The following DIAPH2 variants were observed in gnomAD, a reference collection of about 807,000 sequenced individuals.
The protein encoded by DIAPH2 is diaphanous related formin 2.
DIAPH2 carries 35 observed loss-of-function variants against 92.7 expected under a neutral mutation model. The observed-to-expected ratio is 0.38, with a 90% CI of 0.29 to 0.50. DIAPH2 has a LOEUF of 0.50. DIAPH2 is among the 20% of genes least tolerant of loss of function. The pLI, the probability that DIAPH2 is intolerant of heterozygous loss-of-function variation, is 0.94. For missense variants in DIAPH2, 701 were observed against 819.5 expected, an observed-to-expected ratio of 0.86 and a Z score of 1.77; for synonymous variants, 301 against 280.4, an observed-to-expected ratio of 1.07 and a Z score of -0.73.
chrX:96,999,311 G>A (rs1036475034), intron 17 of DIAPH2, among the ~76,000 whole-genome samples: 1 of 109,873 alleles, frequency 9.1e-6, no homozygotes, highest in African/African-American at 3.3e-5. Context: ...TCAGGAGATC[G>A]AGACCACGGT....
intron 17 of DIAPH2, among the ~76,000 whole-genome samples, chrX:97,036,032 A>T (rs893527900): frequency 8.9e-6 from 1 of 111,756 alleles, no homozygotes; most frequent in African/African-American, 3.2e-5. Context: ...ATTTGAAAAT[A>T]GACCAGGATT....
chrX:96,785,639 T>G (rs769847680), intron 4 of DIAPH2, among the ~76,000 whole-genome samples: 32 of 104,338 alleles, frequency 3.1e-4, no homozygotes, highest in South Asian at 8.7e-4. Context: ...GCCCTGCTAG[T>G]TTTTTTTTTG....
At chrX:97,488,309 C>G (rs1304390346) in intron 26 of DIAPH2, among the ~76,000 whole-genome samples, 1 of 112,189 alleles carries the variant, frequency 8.9e-6, no homozygotes, top group African/African-American at 3.2e-5. Context: ...TTTTTTTGAT[C>G]TTGAGTTATT....
At position 96,684,939 on chromosome X, in the gene DIAPH2, ACT is replaced by A. The variant is rs1318985306; in HGVS notation, c.-114_-113del. On this transcript the variant is annotated 5_prime_UTR_variant, in exon 1 of 27. Coordinates refer to ENST00000324765, the MANE Select transcript of DIAPH2 (RefSeq NM_006729.5). ...GAAATCGGCAGCTTCCCGGGCAGAC[ACT>A]CTCTCCCTCAGGAAGAGGTGCCGCC... 2.3e-5 allele frequency: 19 copies of A among 842,664 alleles called. No homozygotes were observed. Among genetic ancestry groups the A allele is most frequent in the Non-Finnish European group, 3.0e-6 (2 of 665,017 alleles). 69.4% of individuals were successfully genotyped at this position (842,664 alleles called of 1,213,427 possible). A position where few individuals can be genotyped will look rare whatever the true frequency, so the allele number is the denominator to read the frequency against.
chrX:97,491,731 G>A (rs1478079466), intron 26 of DIAPH2, among the ~76,000 whole-genome samples: 1 of 112,026 alleles, frequency 8.9e-6, no homozygotes, highest in Non-Finnish European at 1.9e-5. Context: ...GATAGGGAAG[G>A]ACTTACTATT....
intron 22 of DIAPH2, among the ~76,000 whole-genome samples, chrX:97,208,764 C>A (rs1383498966): frequency 9.0e-6 from 1 of 111,177 alleles, no homozygotes. Flanking sequence ...TTATGTAAGC[C>A]TTTGCATTAT....
chrX:97,559,087 G>A lies in DIAPH2; in HGVS notation c.3242-40166G>A, dbSNP rs756281590. On this transcript the variant is annotated intron_variant, in intron 26 of 26. Transcript: ENST00000324765. ...TCAAGGAGCATCTGTATTTATTACC[G>A]TACTATATTGAGACAATTCTGATTT... Among the ~76,000 whole-genome samples, 18 of 112,105 alleles carry A rather than the reference G, an allele frequency of 1.6e-4. No homozygotes were observed. The South Asian group carries it at 2.2e-3, about 14-fold the overall frequency.
intron 26 of DIAPH2, among the ~76,000 whole-genome samples, chrX:97,596,409 C>G (rs1434558177): frequency 5.4e-5 from 6 of 112,011 alleles, no homozygotes; most frequent in Non-Finnish European, 9.4e-5. Flanking sequence ...TACTTGTTAA[C>G]AAAGCCCTCC....
At chrX:97,316,485 CAAAA>C (rs55897560) in intron 23 of DIAPH2, among the ~76,000 whole-genome samples, 6 of 59,283 alleles carry the variant, frequency 1.0e-4, no homozygotes, top group African/African-American at 3.7e-4. Context: ...ACTAAAAATA[CAAAA>C]AAAAAAAAAA....
intron 5 of DIAPH2, among the ~76,000 whole-genome samples, chrX:96,889,088 A>G: frequency 8.9e-6 from 1 of 112,160 alleles, no homozygotes; most frequent in Middle Eastern, 4.6e-3. Flanking sequence ...AGAAGATAAT[A>G]TAAAAACACC....
intron 26 of DIAPH2, among the ~76,000 whole-genome samples, chrX:97,452,034 T>G (rs758617002): frequency 5.4e-5 from 6 of 111,907 alleles, no homozygotes; most frequent in Admixed American, 1.9e-4. Context: ...GTTCAGTTGT[T>G]TTTTTATCTC....
chrX:97,390,202 T>G (rs1294741054), intron 25 of DIAPH2, among the ~76,000 whole-genome samples: 4 of 97,466 alleles, frequency 4.1e-5, no homozygotes, highest in African/African-American at 1.5e-4. Flanking sequence ...TTTCCCTGCT[T>G]TCTGTCTTTT....
At chrX:96,768,814 G>A (rs1201065088) in intron 4 of DIAPH2, among the ~76,000 whole-genome samples, 1 of 111,493 alleles carries the variant, frequency 9.0e-6, no homozygotes, top group East Asian at 2.8e-4. Context: ...CCAAGAGTTA[G>A]GGTGACTAAA....
intron 17 of DIAPH2, among the ~76,000 whole-genome samples, chrX:96,966,380 A>G (rs1330316577): frequency 8.9e-6 from 1 of 112,335 alleles, no homozygotes; most frequent in Non-Finnish European, 1.9e-5. Flanking sequence ...TCATGCTTAT[A>G]GCAAATTATT....
intron 17 of DIAPH2, among the ~76,000 whole-genome samples, chrX:97,026,938 T>C (rs2066339370): frequency 8.9e-6 from 1 of 111,922 alleles, no homozygotes; most frequent in Non-Finnish European, 1.9e-5. Flanking sequence ...AAAAAACAGG[T>C]GATTCTAATC....
At chrX:97,090,273 G>A (rs1049933216) in intron 19 of DIAPH2, among the ~76,000 whole-genome samples, 1 of 94,694 alleles carries the variant, frequency 1.1e-5, no homozygotes, top group Non-Finnish European at 2.1e-5. Flanking sequence ...AGAATTGTTC[G>A]TGATCCTCTG....
chrX:97,276,169 C>G (rs1193690438), intron 23 of DIAPH2, among the ~76,000 whole-genome samples: 2 of 108,849 alleles, frequency 1.8e-5, no homozygotes, highest in South Asian at 4.3e-4. Context: ...CGCAGGCACT[C>G]GGCAGGCTGA....
At chrX:97,109,199 G>A (rs1047486924) in intron 20 of DIAPH2, among the ~76,000 whole-genome samples, 2 of 111,130 alleles carry the variant, frequency 1.8e-5, no homozygotes, top group African/African-American at 6.5e-5. Flanking sequence ...TGGGCAGATC[G>A]CTTGAGCCCC....
Position 97,039,441 on chromosome X carries a change from C to T in DIAPH2, c.2051-33500C>T, listed in dbSNP as rs758507765. Among the ~76,000 whole-genome samples the T allele has an allele frequency of 1.4e-4, 16 of 111,050 alleles. No homozygotes were observed. In the South Asian group the frequency reaches 3.0e-3, roughly 21 times the overall value. ...TGGTTGTTGTTAAAATTAGTGGGAC[C>T]GTTGAAACTAGAATTTCCCTTTTAG... On this transcript the variant is annotated intron_variant, in intron 17 of 26. Transcript: ENST00000324765.
Sources: gnomAD v4.1 joint callset for allele counts (sites outside exome capture counted in the v4.1 genomes callset) on GRCh38, gnomAD v4.1.1 for gene constraint, MANE v1.5 for transcripts, NCBI Gene and HGNC (gene_info 2026-07-23, HGNC 2026-07-21) for gene names.